ZCCHC4: variants seen among roughly 807,000 people sequenced by gnomAD.
ZCCHC4 encodes the protein zinc finger CCHC-type containing 4.
A neutral mutation model predicts 67.7 loss-of-function variants in ZCCHC4; 54 were observed. The observed-to-expected ratio is 0.80, with a 90% CI of 0.64 to 1.00. The LOEUF (loss-of-function observed/expected upper bound fraction) is 1.00, where lower values mean the gene tolerates loss of function less well. ZCCHC4 is among the 50% of genes least tolerant of loss of function. ZCCHC4 has a pLI of 0.00. For synonymous variants in ZCCHC4, 198 were observed against 213.5 expected (o/e 0.93, Z 0.63); for missense variants, 609 against 617.0 (o/e 0.99, Z 0.14).
At chr4:25,336,343 G>A (rs1419068966) in intron 5 of ZCCHC4, among the ~76,000 whole-genome samples, 1 of 152,114 alleles carries the variant, frequency 6.6e-6, no homozygotes, top group East Asian at 1.9e-4. Context: ...TATGATACTC[G>A]ATTGTATGGA....
At chr4:25,343,339 G>A (rs958254816) in intron 5 of ZCCHC4, among the ~76,000 whole-genome samples, 3 of 152,094 alleles carry the variant, frequency 2.0e-5, no homozygotes, top group African/African-American at 4.8e-5. Context: ...ATATTGTACC[G>A]AGAATGGTTG....
intron 3 of ZCCHC4, among the ~76,000 whole-genome samples, chr4:25,318,985 A>G (rs2109048936): frequency 6.6e-6 from 1 of 152,330 alleles, no homozygotes; most frequent in South Asian, 2.1e-4. Context: ...TATTTATTGA[A>G]GGCTCAAAAA....
chr4:25,330,637 T>C (rs1719128511), intron 3 of ZCCHC4, among the ~76,000 whole-genome samples: 1 of 152,242 alleles, frequency 6.6e-6, no homozygotes, highest in South Asian at 2.1e-4. Flanking sequence ...TTGCTGACCC[T>C]GCTTTTGAAG....
At chr4:25,331,794 A>G (rs891395575) in intron 3 of ZCCHC4, among the ~76,000 whole-genome samples, 6 of 152,292 alleles carry the variant, frequency 3.9e-5, no homozygotes, top group African/African-American at 1.4e-4. Flanking sequence ...CTAGTTTTAG[A>G]TAAAGCTGTC....
At chr4:25,325,171 GA>G (rs1718803220) in intron 3 of ZCCHC4, among the ~76,000 whole-genome samples, 1 of 119,510 alleles carries the variant, frequency 8.4e-6, no homozygotes. Context: ...TGAATCCCGG[GA>G]GGCGGAGCCT....
Position 25,320,214 on chromosome 4 carries a change from C to T in ZCCHC4, c.329+4814C>T, listed in dbSNP as rs192698231. Among the ~76,000 whole-genome samples the T allele has an allele frequency of 1.9e-3, 283 of 151,962 alleles. 2 individuals are homozygous for T. The highest frequency in any genetic ancestry group is 6.8e-3 in the Middle Eastern group (2 of 294). On this transcript the variant is annotated intron_variant, in intron 3 of 12. Coordinates refer to ENST00000302874, the MANE Select transcript of ZCCHC4 (RefSeq NM_024936.3). ...TTTTATAGTTTTTAGCTGCCTGTTACGCTCTGAAATGTGTTATTATGTTTG... is the reference window on the plus strand; with the variant it reads ...TTTTATAGTTTTTAGCTGCCTGTTATGCTCTGAAATGTGTTATTATGTTTG...
intron 3 of ZCCHC4, among the ~76,000 whole-genome samples, chr4:25,331,084 C>T (rs756814068): frequency 4.6e-5 from 7 of 152,172 alleles, no homozygotes; most frequent in South Asian, 2.1e-4. Flanking sequence ...GGCTGTGTTT[C>T]GGTTCTCCAT....
chr4:25,324,690 A>AT (rs1232646051), intron 3 of ZCCHC4, among the ~76,000 whole-genome samples: 1 of 152,126 alleles, frequency 6.6e-6, no homozygotes, highest in East Asian at 1.9e-4. Context: ...GAGGAATCAG[A>AT]TTTTTTTCCT....
intron 2 of ZCCHC4, among the ~76,000 whole-genome samples, chr4:25,315,068 T>C (rs558848041): frequency 7.9e-5 from 12 of 152,228 alleles, no homozygotes; most frequent in Admixed American, 2.6e-4. Context: ...ACTTGGTTTG[T>C]GTCCACCTTT....
chr4:25,364,265 G>A (rs1029439593), intron 10 of ZCCHC4, among the ~76,000 whole-genome samples, 189 bp from the exon 11 acceptor site: 3 of 152,120 alleles, frequency 2.0e-5, no homozygotes, highest in Non-Finnish European at 4.4e-5. Context: ...CCATCAAGGA[G>A]GCATTTGAGT....
intron 12 of ZCCHC4, chr4:25,366,128 A>T: frequency 1.0e-6 from 1 of 981,100 alleles, no homozygotes; most frequent in Non-Finnish European, 1.2e-6. Flanking sequence ...ATTCTTTCCC[A>T]TGTGTTTTAT....
rs534668087 is a variant in ZCCHC4, at chr4:25,359,671, G to A, written c.1012-2188G>A. On this transcript the variant is annotated intron_variant, in intron 8 of 12. Transcript: ENST00000302874. This position sits in a 1 kb window ranked among gnomAD's most constrained non-coding sequence, Gnocchi z 4.9. ...ATTTTGGCCAGGGTCGACTAGGAGA[G>A]AATTGATAAGCAGCCCAGTGAACTT... 5.9e-5 allele frequency among the ~76,000 whole-genome samples: 9 copies of A among 152,340 alleles called. No individual in the cohort carries two copies. In the South Asian group the frequency reaches 1.2e-3, roughly 21 times the overall value.
intron 10 of ZCCHC4, among the ~76,000 whole-genome samples, chr4:25,362,537 T>C (rs1294709377): frequency 2.0e-5 from 3 of 152,206 alleles, no homozygotes; most frequent in Non-Finnish European, 4.4e-5. Flanking sequence ...GTGTGACTGC[T>C]AAAATTATCA....
At position 25,361,975 on chromosome 4, in the gene ZCCHC4, G is replaced by A. The variant is rs543041130; in HGVS notation, c.1128G>A (p.Gly376=). Residue 376 remains glycine, a synonymous_variant, in exon 9 of 13, where the codon GGG becomes GGA. Transcript: ENST00000302874. ...AAATAATCCTTCCTACTGAAGAAGGGTACAGGTAAGATCACAGTGGAACTT... is the reference window on the plus strand; with the variant it reads ...AAATAATCCTTCCTACTGAAGAAGGATACAGGTAAGATCACAGTGGAACTT... The part of the protein sequence containing the change: ...PNKIILPTEE[G]YRFCSPCQRY... 6.4e-5 allele frequency: 103 copies of A among 1,613,292 alleles called. 1 individual carries two copies. In the East Asian group the frequency reaches 1.9e-3, roughly 29 times the overall value.
Position 25,315,374 on chromosome 4 carries a change from C to G in ZCCHC4, c.303C>G (p.Pro101=). The change falls in exon 3 of 13, where the codon CCC becomes CCG. Residue 101 remains proline (P), a synonymous_variant. Transcript: ENST00000302874. The part of the protein sequence containing the change: ...REAHNRRCQP[P]LSRTQCVERY... ...CTCATAACCGAAGATGTCAGCCTCC[C>G]CTGTCCCGAACGCAGTGTGTGGAAA... 4 of 1,613,162 alleles carry G rather than the reference C, an allele frequency of 2.5e-6. No individual in the cohort carries two copies. In the South Asian group the frequency reaches 3.3e-5, roughly 13 times the overall value.
Position 25,359,166 on chromosome 4 carries a change from C to T in ZCCHC4, c.1012-2693C>T, listed in dbSNP as rs920420280. On this transcript the variant is annotated intron_variant, in intron 8 of 12. Transcript: ENST00000302874. This position sits in a 1 kb window ranked among gnomAD's most constrained non-coding sequence, Gnocchi z 4.9. ...CCTGGGCAGCAGTAGATGGGTCCCC[C>T]GCAAGCATGGAGAAGGTACTGAAGC... is the stretch of plus-strand genomic sequence containing the variant. 1.3e-4 allele frequency among the ~76,000 whole-genome samples: 20 copies of T among 152,162 alleles called. No individual in the cohort carries two copies. Among genetic ancestry groups the T allele is most frequent in the African/African-American group, 2.7e-4 (11 of 41,442 alleles).
At chr4:25,362,621 A>C (rs972072276) in intron 10 of ZCCHC4, among the ~76,000 whole-genome samples, 2 of 152,210 alleles carry the variant, frequency 1.3e-5, no homozygotes, top group Non-Finnish European at 2.9e-5. Context: ...GTTTCAAATA[A>C]GGCATTGACG....
intron 3 of ZCCHC4, among the ~76,000 whole-genome samples, chr4:25,325,109 A>G (rs1034992543): frequency 3.1e-5 from 4 of 130,352 alleles, no homozygotes; most frequent in Non-Finnish European, 7.1e-5. Flanking sequence ...CGGGCGAGGT[A>G]GTGGGCGCCT....
intron 8 of ZCCHC4, among the ~76,000 whole-genome samples, chr4:25,356,694 G>A (rs1338201845): frequency 6.6e-6 from 1 of 151,582 alleles, no homozygotes; most frequent in Non-Finnish European, 1.5e-5. Context: ...TTTTTATTAT[G>A]ACACTCATAA....
Sources: allele counts gnomAD v4.1 joint callset (sites outside exome capture counted in the v4.1 genomes callset), GRCh38; gene constraint gnomAD v4.1.1; non-coding constraint Gnocchi (gnomAD v3.1); transcripts MANE v1.5; gene names NCBI Gene and HGNC (gene_info 2026-07-23, HGNC 2026-07-21).